The following OPRM1 variants were observed in gnomAD, a reference collection of about 807,000 sequenced individuals.
The protein encoded by OPRM1 is mu-type opioid receptor.
OPRM1 carries 27 observed loss-of-function variants against 31.8 expected under a neutral mutation model. The observed-to-expected ratio is 0.85, with a 90% CI of 0.63 to 1.17. OPRM1 has a LOEUF of 1.17. OPRM1 is among the 50% of genes most tolerant of loss of function. The probability of loss-of-function intolerance (pLI) is 0.00; values close to 1 mark genes in which losing one functional copy is unlikely to be tolerated. For synonymous variants in OPRM1, 196 were observed against 189.9 expected (o/e 1.03, Z -0.26); for missense variants, 536 against 511.1 (o/e 1.05, Z -0.47).
At chr6:154,180,483 A>G (rs1800770504) in intron 3 of OPRM1, among the ~76,000 whole-genome samples, 1 of 151,054 alleles carries the variant, frequency 6.6e-6, no homozygotes, top group Non-Finnish European at 1.5e-5. Flanking sequence ...TTTAGCCAAC[A>G]GTTATAAGTT....
At chr6:154,079,284 G>A (rs1037681227) in intron 1 of OPRM1, among the ~76,000 whole-genome samples, 5 of 152,246 alleles carry the variant, frequency 3.3e-5, no homozygotes, top group Non-Finnish European at 5.9e-5. Context: ...TAGGCAAAGA[G>A]AAACTGAGAT....
chr6:154,227,304 A>T (rs1779333747), intron 3 of OPRM1, among the ~76,000 whole-genome samples: 3 of 152,242 alleles, frequency 2.0e-5, no homozygotes, highest in African/African-American at 7.2e-5. Flanking sequence ...TTATGGCATG[A>T]TTAGTTTCTA....
intron 1 of OPRM1, among the ~76,000 whole-genome samples, chr6:154,030,181 C>T (rs73788970): frequency 0.029 from 4,370 of 152,134 alleles, 202 homozygotes; most frequent in African/African-American, 0.1. Flanking sequence ...TACTGTAGAC[C>T]TCTGAGAGTC....
intron 1 of OPRM1, among the ~76,000 whole-genome samples, chr6:154,033,562 G>A (rs1211183157): frequency 1.3e-5 from 2 of 152,176 alleles, no homozygotes; most frequent in Non-Finnish European, 2.9e-5. Flanking sequence ...TCAAGTGAAA[G>A]GAAGCACAGA....
chr6:154,179,219 G>C (rs1198473829), intron 3 of OPRM1, among the ~76,000 whole-genome samples: 5 of 152,174 alleles, frequency 3.3e-5, no homozygotes, highest in Admixed American at 2.0e-4. Context: ...TGACCCCAAA[G>C]CAAATGTGAG....
intron 3 of OPRM1, chr6:154,093,415 G>C (rs1459725797): frequency 6.2e-7 from 1 of 1,614,052 alleles, no homozygotes; most frequent in South Asian, 1.1e-5. Context: ...ACTGCTCCCA[G>C]CCCGTCTGGT....
Position 154,119,109 on chromosome 6 carries a change from T to C in OPRM1, c.*388T>C. 1 of 1,000,376 alleles carries C rather than the reference T, an allele frequency of 1.0e-6. No homozygotes were observed. Among genetic ancestry groups the C allele is most frequent in the Non-Finnish European group, 1.2e-6 (1 of 839,510 alleles). 62.0% of individuals were successfully genotyped at this position (1,000,376 alleles called of 1,614,324 possible). On this transcript the variant is annotated 3_prime_UTR_variant, in exon 4 of 4. Transcript: ENST00000330432. ...TTGTTAAGTTCACCGTAGTAACACATAAAGTAAATGCTACCTCTGATCAAA... is the reference window on the plus strand; with the variant it reads ...TTGTTAAGTTCACCGTAGTAACACACAAAGTAAATGCTACCTCTGATCAAA...
At chr6:154,073,860 A>G (rs1179397466) in intron 1 of OPRM1, 1 of 152,244 alleles carries the variant, frequency 6.6e-6, no homozygotes, top group East Asian at 1.9e-4. Flanking sequence ...AAAATTAGCC[A>G]GTGTGGTGGT....
rs966929929 is a variant in OPRM1, at chr6:154,239,340, A to G, written c.1165-7353A>G. ...AAATACATTCAAGGATCTGCAAAGGAAAATAATTGTTAGAACACAATAATA... is the reference window on the plus strand; with the variant it reads ...AAATACATTCAAGGATCTGCAAAGGGAAATAATTGTTAGAACACAATAATA... On this transcript the variant is annotated intron_variant, in intron 3 of 3. Transcript: ENST00000337049. 3.3e-5 allele frequency among the ~76,000 whole-genome samples: 5 copies of G among 152,260 alleles called. No homozygotes were observed. The South Asian group carries it at 1.0e-3, about 31-fold the overall frequency.
At chr6:154,239,415 C>T (rs1234633719) in intron 3 of OPRM1, among the ~76,000 whole-genome samples, 4 of 152,168 alleles carry the variant, frequency 2.6e-5, no homozygotes, top group Admixed American at 2.6e-4. Context: ...TTCATTTCCA[C>T]ACATGTGAAA....
downstream of OPRM1, among the ~76,000 whole-genome samples, chr6:154,135,657 G>A (rs917407659): frequency 6.6e-6 from 1 of 152,168 alleles, no homozygotes; most frequent in Admixed American, 6.5e-5. Flanking sequence ...CTATATAAAA[G>A]GCTTGGTCCA....
At chr6:154,221,868 C>T (rs534400095) in intron 3 of OPRM1, among the ~76,000 whole-genome samples, 11 of 152,070 alleles carry the variant, frequency 7.2e-5, no homozygotes, top group African/African-American at 2.7e-4. Flanking sequence ...AGGAAGACTC[C>T]GTCTCAAAAA....
chr6:154,090,945 C>T lies in OPRM1; in HGVS notation c.644-7C>T. On this transcript the variant is annotated splice_polypyrimidine_tract_variant and splice_region_variant and intron_variant, in intron 2 of 3. Coordinates refer to ENST00000330432, the MANE Select transcript of OPRM1 (RefSeq NM_000914.5). ...GCTAATTTTTCCTTTAAATTCCTTT[C>T]TTCTAGGTTCCATAGATTGTACACT... 1 of 1,605,748 alleles carries T rather than the reference C, an allele frequency of 6.2e-7. No individual in the cohort carries two copies. Among genetic ancestry groups the T allele is most frequent in the Admixed American group, 1.7e-5 (1 of 58,814 alleles).
At chr6:154,165,225 C>T (rs779759519) in intron 3 of OPRM1, among the ~76,000 whole-genome samples, 3 of 152,102 alleles carry the variant, frequency 2.0e-5, no homozygotes, top group Non-Finnish European at 4.4e-5. Context: ...CACTTCCATA[C>T]CACTACTACC....
upstream of OPRM1, among the ~76,000 whole-genome samples, chr6:154,038,336 G>A (rs1779442358): frequency 1.3e-5 from 2 of 152,044 alleles, no homozygotes; most frequent in African/African-American, 4.8e-5. Context: ...GAAAAAAAAA[G>A]ACCAAGAACT....
At chr6:154,109,767 C>CCT (rs60360261) in intron 3 of OPRM1, among the ~76,000 whole-genome samples, 117 of 127,502 alleles carry the variant, frequency 9.2e-4, no homozygotes, top group South Asian at 2.2e-3. Context: ...ACTCTCTCTC[C>CCT]CTCTCTCTCT....
chr6:154,118,828 C>T lies in OPRM1; in HGVS notation c.*107C>T. 1 of 1,547,072 alleles carries T rather than the reference C, an allele frequency of 6.5e-7. No homozygotes were observed. The highest frequency in any genetic ancestry group is 2.0e-5 in the Admixed American group (1 of 51,004). On this transcript the variant is annotated 3_prime_UTR_variant, in exon 4 of 4. Transcript: ENST00000330432. The stretch of plus-strand genomic sequence containing the variant: ...GAGGCTCTAATTCTCTAGGAAAGTG[C>T]CTGCTTTTAGGTCATCCAACCTCTT...
intron 1 of OPRM1, among the ~76,000 whole-genome samples, chr6:154,078,002 C>A (rs1422882476): frequency 2.6e-5 from 4 of 152,146 alleles, no homozygotes; most frequent in African/African-American, 9.7e-5. Context: ...TCTCTGCATT[C>A]CGCAAATTTG....
At chr6:154,020,432 G>A (rs928588360) in intron 1 of OPRM1, among the ~76,000 whole-genome samples, 5 of 152,058 alleles carry the variant, frequency 3.3e-5, no homozygotes, top group Non-Finnish European at 7.4e-5. Flanking sequence ...AATCCCTAAT[G>A]TCTAAAGTCC....
Sources: gnomAD v4.1 joint callset for allele counts (sites outside exome capture counted in the v4.1 genomes callset) on GRCh38, gnomAD v4.1.1 for gene constraint, MANE v1.5 for transcripts, NCBI Gene and HGNC (gene_info 2026-07-23, HGNC 2026-07-21) for gene names.